Variants in NBAS observed in about 807,000 individuals in gnomAD.
NBAS encodes the protein NAG/BC035112 fusion.
In NBAS, 219 loss-of-function variants were observed where a neutral mutation model predicts 302.5. The ratio of observed to expected loss-of-function variants is 0.72; its 90% confidence interval spans 0.65 to 0.81. The LOEUF (loss-of-function observed/expected upper bound fraction) is 0.81. Among genes scored for constraint, NBAS ranks in the 30% least tolerant of loss-of-function variants. NBAS has a pLI of 0.00. For missense variants in NBAS, 2,932 were observed against 2,841.6 expected (o/e 1.03, Z -0.72); for synonymous variants, 1,118 against 1,021.6 (o/e 1.09, Z -1.80).
chr2:15,502,351 C>T (rs1031957620), intron 11 of NBAS, among the ~76,000 whole-genome samples: 5 of 152,208 alleles, frequency 3.3e-5, no homozygotes, highest in African/African-American at 9.6e-5. Context: ...AATTATAGTA[C>T]AGTCATGTAT....
chr2:15,010,294 A>T, the NBAS span, among the ~76,000 whole-genome samples: 1 of 152,154 alleles, frequency 6.6e-6, no homozygotes, highest in African/African-American at 2.4e-5. Context: ...TCTACAGCCT[A>T]AAAAAATTAA....
chr2:14,949,262 G>T, the NBAS span, among the ~76,000 whole-genome samples: 1 of 152,100 alleles, frequency 6.6e-6, no homozygotes, highest in Non-Finnish European at 1.5e-5. Flanking sequence ...AAGCTAAAAA[G>T]CTTCTGCACA....
intron 45 of NBAS, among the ~76,000 whole-genome samples, chr2:15,235,542 AAACC>A (rs1667553978): frequency 6.6e-6 from 1 of 152,220 alleles, no homozygotes; most frequent in African/African-American, 2.4e-5. Context: ...TTTGCCTTTG[AAACC>A]AACCATGAGA....
chr2:15,204,548 G>C (rs1030702508), intron 48 of NBAS, among the ~76,000 whole-genome samples: 3 of 152,114 alleles, frequency 2.0e-5, no homozygotes, highest in Admixed American at 6.6e-5. Context: ...CTGCTATAAA[G>C]ACACATGCAC....
chr2:15,187,463 G>A (rs1330504718), intron 49 of NBAS, among the ~76,000 whole-genome samples: 1 of 152,080 alleles, frequency 6.6e-6, no homozygotes, highest in Non-Finnish European at 1.5e-5. Context: ...GCATAGCAGA[G>A]GTCAGCTGGG....
chr2:15,347,968 A>C (rs1673172145), intron 35 of NBAS, among the ~76,000 whole-genome samples: 1 of 152,214 alleles, frequency 6.6e-6, no homozygotes, highest in African/African-American at 2.4e-5. Flanking sequence ...TTGGATATAT[A>C]AATAAAAATC....
At chr2:15,368,438 T>C (rs1015004283) in intron 31 of NBAS, among the ~76,000 whole-genome samples, 1 of 152,142 alleles carries the variant, frequency 6.6e-6, no homozygotes, top group African/African-American at 2.4e-5. Flanking sequence ...GACCTTGTGA[T>C]CCGCCCTCCT....
chr2:15,244,320 A>G (rs1177153799), intron 44 of NBAS, among the ~76,000 whole-genome samples: 2 of 152,164 alleles, frequency 1.3e-5, no homozygotes, highest in Non-Finnish European at 2.9e-5. Context: ...GCCTCCAACA[A>G]GCACTCCTCA....
chr2:15,064,601 C>T, the NBAS span, among the ~76,000 whole-genome samples: 2 of 151,960 alleles, frequency 1.3e-5, no homozygotes, highest in African/African-American at 4.8e-5. Flanking sequence ...AAGAAAAGTC[C>T]AAGACCGTAT....
chr2:15,174,801 T>C (rs771437895), intron 51 of NBAS, among the ~76,000 whole-genome samples: 20 of 152,342 alleles, frequency 1.3e-4, no homozygotes, highest in African/African-American at 2.6e-4. Context: ...CTGAGCCTCA[T>C]GTTCTCATCT....
At chr2:15,152,005 G>T in the NBAS span, among the ~76,000 whole-genome samples, 2 of 151,990 alleles carry the variant, frequency 1.3e-5, no homozygotes, top group Non-Finnish European at 2.9e-5. Context: ...TTGTGACCAT[G>T]CCCACCTAAT....
the NBAS span, among the ~76,000 whole-genome samples, chr2:14,856,069 CAG>C: frequency 3.3e-5 from 5 of 151,296 alleles, no homozygotes; most frequent in African/African-American, 2.4e-5. Flanking sequence ...TCACTCAGAG[CAG>C]AGAGAGAGAG....
the NBAS span, among the ~76,000 whole-genome samples, chr2:14,804,027 T>G: frequency 5.9e-5 from 9 of 152,194 alleles, no homozygotes; most frequent in Non-Finnish European, 1.2e-4. Context: ...AGTACACAAA[T>G]TTTAAATATA....
chr2:15,334,990 A>C (rs958905944), intron 35 of NBAS, among the ~76,000 whole-genome samples: 2 of 152,108 alleles, frequency 1.3e-5, no homozygotes, highest in Admixed American at 6.5e-5. Context: ...TATGAATGAA[A>C]TCATGTACTC....
At chr2:15,527,719 C>G (rs180864674) in intron 9 of NBAS, among the ~76,000 whole-genome samples, 2 of 152,152 alleles carry the variant, frequency 1.3e-5, no homozygotes, top group African/African-American at 4.8e-5. Context: ...GATGTTCAAA[C>G]TATAGCAGGA....
the NBAS span, among the ~76,000 whole-genome samples, chr2:15,060,649 G>A: frequency 5.9e-5 from 9 of 152,070 alleles, no homozygotes; most frequent in Non-Finnish European, 1.2e-4. Context: ...ACTTCGAGTC[G>A]GGGAGGGGGA....
intron 9 of NBAS, among the ~76,000 whole-genome samples, chr2:15,522,886 T>C (rs74739452): frequency 0.013 from 1,917 of 152,334 alleles, 20 homozygotes; most frequent in Non-Finnish European, 0.02. Flanking sequence ...ACTATATTCT[T>C]ACAGTAAAGT....
the NBAS span, among the ~76,000 whole-genome samples, chr2:15,059,456 C>T: frequency 6.6e-6 from 1 of 152,064 alleles, no homozygotes; most frequent in African/African-American, 2.4e-5. Context: ...ATAGAGCCAA[C>T]CCATACTGGG....
chr2:15,500,758 T>TA (rs923781661), intron 11 of NBAS, among the ~76,000 whole-genome samples: 11 of 148,674 alleles, frequency 7.4e-5, no homozygotes, highest in Admixed American at 2.7e-4. Context: ...CTGTCTCTAC[T>TA]AAAAAAATAC....
Sources: gnomAD v4.1 joint callset for allele counts (sites outside exome capture counted in the v4.1 genomes callset) on GRCh38, gnomAD v4.1.1 for gene constraint, MANE v1.5 for transcripts, NCBI Gene and HGNC (gene_info 2026-07-23, HGNC 2026-07-21) for gene names.